APP: variants seen among roughly 807,000 people sequenced by gnomAD.
APP encodes amyloid beta precursor protein.
Under a neutral mutation model 101.4 loss-of-function variants are expected in APP, and 31 were observed. That is an observed-to-expected ratio of 0.31 (90% CI 0.23 to 0.41). The LOEUF (loss-of-function observed/expected upper bound fraction) is 0.41. APP is among the 10% of genes least tolerant of loss of function. The probability of loss-of-function intolerance (pLI) is 1.00; values close to 1 mark genes in which losing one functional copy is unlikely to be tolerated. For missense variants in APP, 839 were observed against 1,003.7 expected, an observed-to-expected ratio of 0.84 and a Z score of 2.22; for synonymous variants, 366 against 364.4, an observed-to-expected ratio of 1.00 and a Z score of -0.05.
intron 12 of APP, 95 bp from the exon 13 acceptor site, chr21:25,954,784 T>A: frequency 9.0e-7 from 1 of 1,107,160 alleles, no homozygotes; most frequent in Non-Finnish European, 1.3e-6. Context: ...AGACGGAGTC[T>A]CGCTCTGTCG....
chr21:26,028,523 G>A (rs2044681960), intron 5 of APP, among the ~76,000 whole-genome samples: 1 of 152,180 alleles, frequency 6.6e-6, no homozygotes, highest in South Asian at 2.1e-4. Context: ...CAGGCACTGA[G>A]TTTTAACAGT....
intron 1 of APP, among the ~76,000 whole-genome samples, chr21:26,136,307 G>A (rs764591753): frequency 5.3e-5 from 8 of 151,934 alleles, no homozygotes; most frequent in Non-Finnish European, 7.4e-5. Context: ...ACACAGGCAC[G>A]CACACGATGG....
At chr21:26,122,677 C>T (rs904523432) in intron 1 of APP, among the ~76,000 whole-genome samples, 1 of 151,404 alleles carries the variant, frequency 6.6e-6, no homozygotes, top group African/African-American at 2.4e-5. Context: ...TGGTCCTTGC[C>T]ATGAGTAAAT....
intron 3 of APP, among the ~76,000 whole-genome samples, chr21:26,071,135 A>T (rs2061404700): frequency 6.6e-6 from 1 of 152,208 alleles, no homozygotes; most frequent in Non-Finnish European, 1.5e-5. Context: ...TCGGCAGTTT[A>T]AAATTCTCTT....
chr21:26,141,013 A>G (rs1222839556), intron 1 of APP, among the ~76,000 whole-genome samples: 1 of 152,220 alleles, frequency 6.6e-6, no homozygotes, highest in East Asian at 1.9e-4. Flanking sequence ...TCTGGCCAAA[A>G]GGTTATGATG....
intron 6 of APP, among the ~76,000 whole-genome samples, chr21:26,020,789 C>T (rs947307240): frequency 1.3e-5 from 2 of 152,132 alleles, no homozygotes; most frequent in Admixed American, 6.5e-5. Flanking sequence ...ACAGTTTACT[C>T]GTTTCTGTAA....
At chr21:25,974,989 T>C in intron 11 of APP, 81 bp downstream of exon 11, 1 of 1,581,564 alleles carries the variant, frequency 6.3e-7, no homozygotes, top group East Asian at 2.3e-5. Flanking sequence ...ATTCTTTTTG[T>C]ATGGCTTCCA....
At chr21:26,161,932 A>G (rs2063499441) in intron 1 of APP, among the ~76,000 whole-genome samples, 1 of 152,024 alleles carries the variant, frequency 6.6e-6, no homozygotes, top group Non-Finnish European at 1.5e-5. Flanking sequence ...TTTGAAAGAT[A>G]AAAAAATCAA....
chr21:26,096,088 C>T (rs2146136941), intron 2 of APP, among the ~76,000 whole-genome samples: 1 of 152,280 alleles, frequency 6.6e-6, no homozygotes, highest in East Asian at 1.9e-4. Flanking sequence ...ACACTGTGTT[C>T]CAAACACACT....
intron 2 of APP, among the ~76,000 whole-genome samples, chr21:26,104,770 A>G (rs2234988): frequency 0.52 from 78,420 of 152,070 alleles, 22,414 homozygotes; most frequent in Non-Finnish European, 0.64. Context: ...ATGCACCAAC[A>G]TGTATACTGC....
At position 26,064,646 on chromosome 21, in the gene APP, G is replaced by C. The variant is rs2830037; in HGVS notation, c.356-11298C>G. ...CGCAGCCGCTTGCAAAAGGCATGTG[G>C]TCTCTACAGCATTCTCATTTAACAC... On this transcript the variant is annotated intron_variant, in intron 3 of 17. Transcript: ENST00000346798. Among the ~76,000 whole-genome samples, 314 of 151,914 alleles carry C rather than the reference G, an allele frequency of 2.1e-3. 1 individual carries two copies. Among genetic ancestry groups the C allele is most frequent in the Non-Finnish European group, 3.6e-3 (245 of 67,928 alleles).
intron 9 of APP, among the ~76,000 whole-genome samples, chr21:25,980,183 A>G (rs910617008): frequency 6.6e-6 from 1 of 152,176 alleles, no homozygotes; most frequent in Non-Finnish European, 1.5e-5. Flanking sequence ...AGCAGTTGAG[A>G]AGGAAGAGGT....
At chr21:25,963,423 A>T (rs760086337) in intron 11 of APP, among the ~76,000 whole-genome samples, 5 of 152,176 alleles carry the variant, frequency 3.3e-5, no homozygotes, top group Admixed American at 6.5e-5. Context: ...GAAGGCAGTG[A>T]AGTGTCAAGA....
At position 25,957,090 on chromosome 21, in the gene APP, T is replaced by C. The variant is rs923794688; in HGVS notation, c.1459-1335A>G. On this transcript the variant is annotated intron_variant, in intron 11 of 17. Coordinates refer to ENST00000346798, the MANE Select transcript of APP (RefSeq NM_000484.4). The stretch of plus-strand genomic sequence containing the variant: ...CTGTACTTGAGAAAACAAATACATA[T>C]ACACAATAAAAATAAAACAACTTGG... 2.6e-5 allele frequency among the ~76,000 whole-genome samples: 4 copies of C among 152,278 alleles called. No homozygotes were observed. In the East Asian group the frequency reaches 7.7e-4, roughly 29 times the overall value.
At chr21:26,073,217 A>C (rs559972125) in intron 3 of APP, among the ~76,000 whole-genome samples, 32 of 152,172 alleles carry the variant, frequency 2.1e-4, no homozygotes, top group Non-Finnish European at 3.8e-4. Flanking sequence ...TTCTGATTCT[A>C]AATATTTTGC....
At chr21:25,887,865 C>T (rs1034043925) in intron 17 of APP, among the ~76,000 whole-genome samples, 1 of 152,168 alleles carries the variant, frequency 6.6e-6, no homozygotes, top group Non-Finnish European at 1.5e-5. Context: ...GTTTGCACAG[C>T]GATCAAACCG....
chr21:25,892,108 T>TAA (rs1252109290), intron 16 of APP, among the ~76,000 whole-genome samples: 1 of 150,606 alleles, frequency 6.6e-6, no homozygotes, highest in Non-Finnish European at 1.5e-5. Flanking sequence ...TCATAGTTTA[T>TAA]AGAAGGATGT....
chr21:26,094,306 G>A (rs1330873511), intron 2 of APP, among the ~76,000 whole-genome samples: 1 of 151,964 alleles, frequency 6.6e-6, no homozygotes, highest in Non-Finnish European at 1.5e-5. Flanking sequence ...ATTTAAGGGG[G>A]AGAACATTAG....
At chr21:25,968,869 C>T (rs1352092586) in intron 11 of APP, among the ~76,000 whole-genome samples, 1 of 152,138 alleles carries the variant, frequency 6.6e-6, no homozygotes, top group Non-Finnish European at 1.5e-5. Flanking sequence ...GGAAACGACA[C>T]TTTTGATTTA....
Sources: allele counts gnomAD v4.1 joint callset (sites outside exome capture counted in the v4.1 genomes callset), GRCh38; gene constraint gnomAD v4.1.1; transcripts MANE v1.5; gene names NCBI Gene and HGNC (gene_info 2026-07-23, HGNC 2026-07-21).